The following OLA1 variants were observed in gnomAD, a reference collection of about 807,000 sequenced individuals.
The protein encoded by OLA1 is Obg like ATPase 1, also known as obg-like ATPase 1.
OLA1 carries 14 observed loss-of-function variants against 48.4 expected under a neutral mutation model. The ratio of observed to expected loss-of-function variants is 0.29; its 90% CI spans 0.19 to 0.45. OLA1 has a LOEUF of 0.45. Among genes scored for constraint, OLA1 ranks in the 20% least tolerant of loss-of-function variants. The pLI is 1.00. For missense variants in OLA1, 325 were observed against 467.1 expected (o/e 0.70, Z 2.80); for synonymous variants, 127 against 150.4 (o/e 0.84, Z 1.14).
rs558362028 is a variant in OLA1, at chr2:174,247,011, C to T, written c.1-196G>A. On this transcript the variant is annotated intron_variant, in intron 1 of 10. Coordinates refer to ENST00000284719, the MANE Select transcript of OLA1 (RefSeq NM_013341.5). Reference sequence around the variant, plus strand: ...GTTTAAAAAGTTCTGTAAACATATCCGTTGTCAAAAGAGTCATTGCTGAGA... The same window carrying T: ...GTTTAAAAAGTTCTGTAAACATATCTGTTGTCAAAAGAGTCATTGCTGAGA... 4 of 368,216 alleles carry T rather than the reference C, an allele frequency of 1.1e-5. 1 individual carries two copies. The highest frequency in any genetic ancestry group is 7.1e-4 in the Middle Eastern group (1 of 1,400). 22.8% of individuals were successfully genotyped at this position (368,216 alleles called of 1,614,324 possible).
chr2:174,127,788 A>G (rs1229386509), intron 5 of OLA1, among the ~76,000 whole-genome samples: 1 of 152,152 alleles, frequency 6.6e-6, no homozygotes. Context: ...AGAGGTTGAG[A>G]CACTGACCCA....
chr2:174,242,287 G>A (rs1689020647), intron 2 of OLA1, among the ~76,000 whole-genome samples: 2 of 152,198 alleles, frequency 1.3e-5, no homozygotes, highest in African/African-American at 2.4e-5. Context: ...GCATTAGTTC[G>A]ATTCTCATAA....
At chr2:174,202,685 A>G (rs991245488) in intron 4 of OLA1, among the ~76,000 whole-genome samples, 3 of 152,174 alleles carry the variant, frequency 2.0e-5, no homozygotes, top group African/African-American at 7.2e-5. Context: ...TGTGGTTGCT[A>G]CCATTTCAGA....
chr2:174,174,007 C>T lies in OLA1; in HGVS notation c.374-32007G>A, dbSNP rs1162747534. The stretch of plus-strand genomic sequence containing the variant: ...AAATTGAATCTGAAATAAAAACCTT[C>T]CCATACATACACACACACACACACA... On this transcript the variant is annotated intron_variant, in intron 4 of 10. Coordinates refer to ENST00000284719, the MANE Select transcript of OLA1 (RefSeq NM_013341.5). Among the ~76,000 whole-genome samples, 16 of 137,532 alleles carry T rather than the reference C, an allele frequency of 1.2e-4. No individual in the cohort carries two copies. In the East Asian group the frequency reaches 3.6e-3, roughly 31 times the overall value. 90.2% of individuals were successfully genotyped at this position (137,532 alleles called of 152,430 possible). A position where few individuals can be genotyped will look rare whatever the true frequency, so the allele number is the denominator to read the frequency against.
chr2:174,140,921 T>C (rs1686431618), intron 5 of OLA1, among the ~76,000 whole-genome samples: 1 of 151,916 alleles, frequency 6.6e-6, no homozygotes, highest in Admixed American at 6.5e-5. Flanking sequence ...TTATTTTATT[T>C]TTAAAAATAT....
intron 4 of OLA1, among the ~76,000 whole-genome samples, chr2:174,146,096 T>G (rs1302555984): frequency 1.3e-5 from 2 of 152,134 alleles, no homozygotes; most frequent in African/African-American, 4.8e-5. Flanking sequence ...TAGCAATAAA[T>G]TTGAAGTGCT....
intron 4 of OLA1, among the ~76,000 whole-genome samples, chr2:174,189,581 A>G (rs966872335): frequency 3.3e-5 from 5 of 152,210 alleles, no homozygotes; most frequent in African/African-American, 9.6e-5. Context: ...CTATACCAAC[A>G]TATCAATTCT....
chr2:174,223,484 G>C (rs1395002176), intron 3 of OLA1, among the ~76,000 whole-genome samples: 1 of 152,146 alleles, frequency 6.6e-6, no homozygotes, highest in Non-Finnish European at 1.5e-5. Flanking sequence ...AAGCGGTGAA[G>C]AATGTTTAGA....
At position 174,230,633 on chromosome 2, in the gene OLA1, T is replaced by C. The variant is rs114165707; in HGVS notation, c.102-1182A>G. 2.8e-4 allele frequency among the ~76,000 whole-genome samples: 42 copies of C among 152,280 alleles called. No homozygotes were observed. In the South Asian group the frequency reaches 8.1e-3, roughly 29 times the overall value. ...TGTTACTGCTAGTTTACAGGAAATA[T>C]AGAGGACAGAAGAACATATTAAATG... is the stretch of plus-strand genomic sequence containing the variant. On this transcript the variant is annotated intron_variant, in intron 2 of 10. Coordinates refer to ENST00000284719, the MANE Select transcript of OLA1 (RefSeq NM_013341.5).
chr2:174,103,675 A>G (rs1327449270), intron 7 of OLA1, among the ~76,000 whole-genome samples: 1 of 152,210 alleles, frequency 6.6e-6, no homozygotes, highest in African/African-American at 2.4e-5. Context: ...TGATCAATCA[A>G]CAATATTTAC....
chr2:174,077,231 G>A (rs1684761913), intron 10 of OLA1, among the ~76,000 whole-genome samples: 2 of 152,148 alleles, frequency 1.3e-5, no homozygotes, highest in South Asian at 2.1e-4. Context: ...TGATATCCCT[G>A]TAGACTACAA....
intron 4 of OLA1, among the ~76,000 whole-genome samples, chr2:174,215,192 T>TG (rs1237610374): frequency 6.6e-6 from 1 of 152,142 alleles, no homozygotes; most frequent in Non-Finnish European, 1.5e-5. Context: ...AGGGAGCTTT[T>TG]GGGGTGATGA....
intron 4 of OLA1, among the ~76,000 whole-genome samples, chr2:174,218,982 C>T (rs1688427336): frequency 2.5e-5 from 3 of 122,350 alleles, no homozygotes; most frequent in South Asian, 6.5e-4. Flanking sequence ...CCACCAAGGC[C>T]GGCTAATTTT....
intron 4 of OLA1, among the ~76,000 whole-genome samples, chr2:174,185,222 T>A (rs1158867708): frequency 6.6e-6 from 1 of 152,170 alleles, no homozygotes; most frequent in Non-Finnish European, 1.5e-5. Flanking sequence ...AGGCACAATG[T>A]CTTGAGATCC....
chr2:174,159,785 C>T (rs546178191), intron 4 of OLA1, among the ~76,000 whole-genome samples: 2 of 139,552 alleles, frequency 1.4e-5, no homozygotes, highest in Non-Finnish European at 3.1e-5. Flanking sequence ...GAGAGAACAT[C>T]CAACAAAATG....
At chr2:174,212,216 C>T (rs1181559770) in intron 4 of OLA1, among the ~76,000 whole-genome samples, 1 of 152,154 alleles carries the variant, frequency 6.6e-6, no homozygotes, top group Non-Finnish European at 1.5e-5. Context: ...TCCTAGGCTA[C>T]AAACCTGTAT....
chr2:174,173,774 A>C (rs1687359978), intron 4 of OLA1, among the ~76,000 whole-genome samples: 3 of 152,168 alleles, frequency 2.0e-5, no homozygotes, highest in South Asian at 4.1e-4. Flanking sequence ...TCAAAAAGAA[A>C]GACAAAAATT....
At chr2:174,135,970 G>C (rs1041042259) in intron 5 of OLA1, among the ~76,000 whole-genome samples, 1 of 152,208 alleles carries the variant, frequency 6.6e-6, no homozygotes, top group Non-Finnish European at 1.5e-5. Flanking sequence ...CTATATTGTA[G>C]TCTATTAAGC....
At chr2:174,176,451 G>T (rs1687420650) in intron 4 of OLA1, among the ~76,000 whole-genome samples, 1 of 152,046 alleles carries the variant, frequency 6.6e-6, no homozygotes, top group African/African-American at 2.4e-5. Context: ...ACAAAAATTG[G>T]AAAAAATATC....
Sources: gnomAD v4.1 joint callset for allele counts (sites outside exome capture counted in the v4.1 genomes callset) on GRCh38, gnomAD v4.1.1 for gene constraint, MANE v1.5 for transcripts, NCBI Gene and HGNC (gene_info 2026-07-23, HGNC 2026-07-21) for gene names.